LPAR6: variants seen among roughly 807,000 people sequenced by gnomAD.
LPAR6 encodes lysophosphatidic acid receptor 6.
A neutral mutation model predicts 22.0 loss-of-function variants in LPAR6; 17 were observed. The observed-to-expected ratio is 0.77, with a 90% CI of 0.53 to 1.16. LPAR6 has a LOEUF of 1.16. Ranked by LOEUF, LPAR6 falls within the 50% of genes most tolerant of loss-of-function variation. The pLI is 0.00. For synonymous variants in LPAR6, 136 were observed against 139.8 expected, an observed-to-expected ratio of 0.97 and a Z score of 0.19; for missense variants, 384 against 406.9, an observed-to-expected ratio of 0.94 and a Z score of 0.48.
downstream of LPAR6, among the ~76,000 whole-genome samples, chr13:48,408,339 A>G (rs1220613460): frequency 6.6e-6 from 1 of 152,058 alleles, no homozygotes; most frequent in Non-Finnish European, 1.5e-5. Context: ...GATGATTTCT[A>G]AGTTCAGAAA....
chr13:48,442,678 G>T (rs1949249930), intron 1 of LPAR6, among the ~76,000 whole-genome samples: 1 of 152,114 alleles, frequency 6.6e-6, no homozygotes, highest in Non-Finnish European at 1.5e-5. Flanking sequence ...GACTATTTTA[G>T]TTTAATTACA....
chr13:48,424,270 T>A (rs1391602431), intron 1 of LPAR6, among the ~76,000 whole-genome samples: 1 of 152,244 alleles, frequency 6.6e-6, no homozygotes, highest in East Asian at 1.9e-4. Flanking sequence ...ACCATAAGTC[T>A]ATCGGTATCA....
At chr13:48,418,047 C>T (rs988913431), upstream of LPAR6, among the ~76,000 whole-genome samples, 1 of 152,106 alleles carries the variant, frequency 6.6e-6, no homozygotes, top group Non-Finnish European at 1.5e-5. Flanking sequence ...AAAGATACTC[C>T]TCAAGAAGAG....
intron 1 of LPAR6, chr13:48,444,407 C>A (rs1334897109): frequency 6.6e-6 from 1 of 152,300 alleles, no homozygotes; most frequent in Non-Finnish European, 1.5e-5. Context: ...GTCCCAGCTA[C>A]TCCAGAGGCT....
chr13:48,419,139 T>TAA (rs1305959872), intron 2 of LPAR6, among the ~76,000 whole-genome samples: 5 of 152,038 alleles, frequency 3.3e-5, no homozygotes, highest in African/African-American at 1.2e-4. Context: ...TGATTGGGAG[T>TAA]AAAACACTCC....
intron 1 of LPAR6, among the ~76,000 whole-genome samples, chr13:48,395,571 C>G (rs1415891577): frequency 1.3e-5 from 2 of 151,352 alleles, no homozygotes; most frequent in Admixed American, 6.6e-5. Context: ...AACACGAGGA[C>G]TTTGTGAAGC....
intron 2 of LPAR6, among the ~76,000 whole-genome samples, chr13:48,420,764 T>C (rs1371607681): frequency 1.3e-5 from 2 of 152,062 alleles, no homozygotes; most frequent in Non-Finnish European, 2.9e-5. Flanking sequence ...GAGAGCCAAA[T>C]CATGAGTGAA....
chr13:48,411,708 C>A lies in LPAR6; in HGVS notation c.716G>T (p.Cys239Phe), dbSNP rs774727486. The change falls in exon 1 of 1, where the codon TGT (cysteine) becomes TTT (phenylalanine). Residue 239 changes from cysteine to phenylalanine, a missense_variant. Transcript: ENST00000620633. Reference sequence around the variant, plus strand: ...GATATTGTAAGGAACAAAACAGAAACAGAATATGATCAAATGTACAAAAAT... The same window carrying A: ...GATATTGTAAGGAACAAAACAGAAAAAGAATATGATCAAATGTACAAAAAT... ...KMIFVHLIIF[C>F]FCFVPYNINL... 2 of 1,606,280 alleles carry A rather than the reference C, an allele frequency of 1.2e-6. No homozygotes were observed. The highest frequency in any genetic ancestry group is 1.7e-6 in the Non-Finnish European group (2 of 1,173,276).
At chr13:48,432,743 G>T (rs769766852) in intron 1 of LPAR6, among the ~76,000 whole-genome samples, 1 of 151,624 alleles carries the variant, frequency 6.6e-6, no homozygotes, top group African/African-American at 2.4e-5. Flanking sequence ...TTGAGTAAGC[G>T]TACAGGAATA....
At chr13:48,408,274 C>T (rs1948757544), downstream of LPAR6, among the ~76,000 whole-genome samples, 1 of 151,616 alleles carries the variant, frequency 6.6e-6, no homozygotes, top group Non-Finnish European at 1.5e-5. Flanking sequence ...ATATATAATA[C>T]ATATATTTTT....
At chr13:48,392,039 G>A (rs1011469873) in intron 1 of LPAR6, among the ~76,000 whole-genome samples, 9 of 152,120 alleles carry the variant, frequency 5.9e-5, no homozygotes, top group Non-Finnish European at 1.3e-4. Flanking sequence ...TGAATTCTAG[G>A]TTGACAGTCT....
downstream of LPAR6, among the ~76,000 whole-genome samples, chr13:48,406,259 A>G (rs1236831400): frequency 6.6e-6 from 1 of 151,942 alleles, no homozygotes; most frequent in Non-Finnish European, 1.5e-5. Flanking sequence ...GGTTTGTACT[A>G]TTTTTCATTC....
intron 1 of LPAR6, among the ~76,000 whole-genome samples, chr13:48,442,206 A>T (rs898847115): frequency 2.1e-5 from 3 of 145,936 alleles, no homozygotes; most frequent in Non-Finnish European, 3.0e-5. Flanking sequence ...TATGAATTTT[A>T]TTTTTTTTTT....
downstream of LPAR6, among the ~76,000 whole-genome samples, chr13:48,407,297 A>G (rs866613245): frequency 1.3e-5 from 2 of 152,166 alleles, no homozygotes; most frequent in Admixed American, 1.3e-4. Flanking sequence ...TGCTTTTCCA[A>G]TGAAAGAGGT....
upstream of LPAR6, among the ~76,000 whole-genome samples, chr13:48,413,677 A>G (rs1948857730): frequency 6.6e-6 from 1 of 152,140 alleles, no homozygotes; most frequent in Non-Finnish European, 1.5e-5. Context: ...CAATTTTCTA[A>G]CATTCTTTCC....
Position 48,411,604 on chromosome 13 carries a change from G to A in LPAR6, c.820C>T (p.Pro274Ser), listed in dbSNP as rs571717200. 1.2e-6 allele frequency: 2 copies of A among 1,611,852 alleles called. No individual in the cohort carries two copies. Among genetic ancestry groups the A allele is most frequent in the South Asian group, 2.2e-5 (2 of 91,004 alleles). ...GAAACAGCAATACAGAGAGTGATTG[G>A]GTACATTGTCCTTACTGCTGCCACT... ...SVVAAVRTMY[P>S]ITLCIAVSNC... Residue 274 changes from proline to serine, a missense_variant, in exon 1 of 1, where the codon CCA (proline) becomes TCA (serine). Transcript: ENST00000620633.
intron 1 of LPAR6, among the ~76,000 whole-genome samples, chr13:48,397,268 G>A (rs1022418298): frequency 2.0e-5 from 3 of 152,148 alleles, no homozygotes; most frequent in African/African-American, 7.2e-5. Context: ...TGGTAGACTG[G>A]ATAAAGAAAA....
At chr13:48,438,324 CA>C in intron 1 of LPAR6, among the ~76,000 whole-genome samples, 1 of 152,148 alleles carries the variant, frequency 6.6e-6, no homozygotes, top group East Asian at 1.9e-4. Flanking sequence ...GAAGTTTCCC[CA>C]GGGCCATATT....
upstream of LPAR6, among the ~76,000 whole-genome samples, chr13:48,428,508 A>G (rs1467234170): frequency 3.3e-5 from 5 of 152,200 alleles, no homozygotes; most frequent in Admixed American, 2.6e-4. Flanking sequence ...AGGGACAAAC[A>G]TTGAAACCAT....
Sources: gnomAD v4.1 joint callset for allele counts (sites outside exome capture counted in the v4.1 genomes callset) on GRCh38, gnomAD v4.1.1 for gene constraint, MANE v1.5 for transcripts, NCBI Gene and HGNC (gene_info 2026-07-23, HGNC 2026-07-21) for gene names.